Variants in CD163 observed in about 807,000 individuals in gnomAD.
The protein encoded by CD163 is scavenger receptor cysteine-rich type 1 protein M130.
In CD163, 64 loss-of-function variants were observed where a neutral mutation model predicts 129.2. The ratio of observed to expected loss-of-function variants is 0.50; its 90% CI spans 0.41 to 0.61. The LOEUF (loss-of-function observed/expected upper bound fraction) is 0.61, where lower values mean the gene tolerates loss of function less well. CD163 is among the 20% of genes least tolerant of loss of function. The pLI is 0.00. For missense variants in CD163, 1,061 were observed against 1,377.9 expected, an observed-to-expected ratio of 0.77 and a Z score of 3.64; for synonymous variants, 446 against 478.5, an observed-to-expected ratio of 0.93 and a Z score of 0.89.
chr12:7,487,455 A>G lies in CD163; in HGVS notation c.1954T>C (p.Cys652Arg). 6.2e-7 allele frequency: 1 copy of G among 1,614,186 alleles called. No homozygotes were observed. Among genetic ancestry groups the G allele is most frequent in the Non-Finnish European group, 8.5e-7 (1 of 1,180,016 alleles). ...CCCATGTGCTGCTCAGTCCCAGTGC[A>G]GTGAAACATATGCCTCCAGATCTGA... ...NGQIWRHMFH[C>R]TGTEQHMGDC... is the part of the protein sequence containing the mutation. Residue 652 changes from cysteine (C) to arginine (R), a missense_variant, in exon 8 of 17, where the codon TGC (cysteine) becomes CGC (arginine). Physicochemically the swap from Cys to Arg is radical, Grantham distance 180. Transcript: ENST00000432237. This position sits in a 1 kb window ranked among gnomAD's most constrained non-coding sequence, Gnocchi z 5.1.
At chr12:7,502,798 G>A (rs1949512702) in intron 1 of CD163, 1 of 568,148 alleles carries the variant, frequency 1.8e-6, no homozygotes. Context: ...TTAGCAGAAG[G>A]TTGGTGGTGG....
rs1481824279 is a variant in CD163 at position 7,470,938 on chromosome 12, C to T, written c.*491G>A. On this transcript the variant is annotated 3_prime_UTR_variant, in exon 17 of 17. Transcript: ENST00000432237. ...GTTAGCCATATATTATTTACAGACCCTTCAATATCATTAACTTTTCCTGTC... is the reference window on the plus strand; with the variant it reads ...GTTAGCCATATATTATTTACAGACCTTTCAATATCATTAACTTTTCCTGTC... 1.3e-5 allele frequency: 2 copies of T among 152,040 alleles called. No individual in the cohort carries two copies. The highest frequency in any genetic ancestry group is 2.9e-5 in the Non-Finnish European group (2 of 68,006). 9.4% of individuals were successfully genotyped at this position (152,040 alleles called of 1,614,324 possible). A position where few individuals can be genotyped will look rare whatever the true frequency, so the allele number is the denominator to read the frequency against.
chr12:7,483,825 G>GTGTATATATATATATATATATATATATA (rs1555076524), intron 11 of CD163, 150 bp from the exon 12 acceptor site: 1 of 68,416 alleles, frequency 1.5e-5, no homozygotes, highest in African/African-American at 4.4e-5. Context: ...ATATATATAT[G>GTGTATATATATATATATATATATATATA]TATATATATA....
chr12:7,473,272 A>G (rs947525882), intron 16 of CD163: 3 of 152,156 alleles, frequency 2.0e-5, no homozygotes, highest in Non-Finnish European at 4.4e-5. Context: ...ACACATAATC[A>G]TCCGTTTCTC....
At position 7,483,511 on chromosome 12, in the gene CD163, C is replaced by T. The variant is rs763374425; in HGVS notation, c.2944G>A (p.Ala982Thr). 1 of 1,614,086 alleles carries T rather than the reference C, an allele frequency of 6.2e-7. No homozygotes were observed. The highest frequency in any genetic ancestry group is 1.7e-5 in the Admixed American group (1 of 60,022). Residue 982 changes from alanine to threonine, a missense_variant, in exon 12 of 17, where the codon GCA becomes ACA. Ala to Thr is a moderately conservative substitution (Grantham distance 58, BLOSUM62 0). Coordinates refer to ENST00000432237, the MANE Select transcript of CD163 (RefSeq NM_203416.4). ...CGPALKAFKE[A>T]EFGQGTGPIW... ...GGTCCAGTCCCCTGACCAAACTCTG[C>T]TTCTTTGAATGCTTTCAAAGCTGGA...
chr12:7,493,331 A>G (rs888371778), intron 6 of CD163, among the ~76,000 whole-genome samples: 1 of 152,170 alleles, frequency 6.6e-6, no homozygotes, highest in African/African-American at 2.4e-5. Flanking sequence ...ACACCTTCTC[A>G]GAGGCCAGCA....
intron 16 of CD163, 98 bp downstream of exon 16, chr12:7,479,762 T>C: frequency 4.8e-6 from 6 of 1,252,054 alleles, no homozygotes; most frequent in Non-Finnish European, 6.7e-6. Context: ...ATAAAATATG[T>C]TTATATACAT....
At chr12:7,502,644 T>A in intron 1 of CD163, 80 bp from the exon 2 acceptor site, 1 of 771,220 alleles carries the variant, frequency 1.3e-6, no homozygotes, top group South Asian at 1.5e-5. Flanking sequence ...CAGAGGTTAA[T>A]TAACAAAGAA....
In CD163 at chr12:7,485,711, C is replaced by CAA. The variant is rs1949238270; in HGVS notation, c.2459-297_2459-296dup. ...CAGTTACATAGTTTGGATTTTTTCCCAAAAATATTCTCCTTTTTTTGCAAC... is the reference window on the plus strand; with the variant it reads ...CAGTTACATAGTTTGGATTTTTTCCCAAAAAAATATTCTCCTTTTTTTGCAAC... On this transcript the variant is annotated intron_variant, in intron 10 of 16. Coordinates refer to ENST00000432237, the MANE Select transcript of CD163 (RefSeq NM_203416.4). This position sits in a 1 kb window ranked among gnomAD's most constrained non-coding sequence, Gnocchi z 4.5. Among the ~76,000 whole-genome samples, 1 of 151,764 alleles carries CAA rather than the reference C, an allele frequency of 6.6e-6. No homozygotes were observed. The highest frequency in any genetic ancestry group is 1.5e-5 in the Non-Finnish European group (1 of 67,972).
chr12:7,481,251 A>C lies in CD163; in HGVS notation c.3253T>G (p.Ser1085Ala). The stretch of plus-strand genomic sequence containing the variant: ...TGGTGGACTAAGTTCTCTCCTCTTG[A>C]GGAAACTGAAAACAGAGATCCCTAG... ...RRQRQRLAVS[S>A]RGENLVHQIQ... is the part of the protein sequence containing the mutation. Residue 1085 changes from serine to alanine, a missense_variant, in exon 15 of 17, where the codon TCA (serine) becomes GCA (alanine). Ser to Ala is a moderately conservative substitution (Grantham distance 99). Transcript: ENST00000432237. 2.5e-6 allele frequency: 4 copies of C among 1,613,036 alleles called. No homozygotes were observed. Among genetic ancestry groups the C allele is most frequent in the Non-Finnish European group, 3.4e-6 (4 of 1,179,110 alleles).
At position 7,487,221 on chromosome 12, in the gene CD163, G is replaced by A; in HGVS notation, c.2050+138C>T. The A allele has an allele frequency of 9.4e-7, 1 of 1,067,842 alleles. No individual in the cohort carries two copies. The highest frequency in any genetic ancestry group is 1.3e-6 in the Non-Finnish European group (1 of 760,308). The allele number at this position is 1,067,842 out of a possible 1,614,324, so 66.1% of individuals were successfully genotyped here. ...CTCACCCTCTGAAAAGACAAATGAG[G>A]TTAATATTCTGAAGCATGAATTAGT... On this transcript the variant is annotated intron_variant, in intron 8 of 16. Coordinates refer to ENST00000432237, the MANE Select transcript of CD163 (RefSeq NM_203416.4). The surrounding 1 kb of genome is among the most constrained non-coding windows in gnomAD (Gnocchi z 5.1).
chr12:7,503,594 A>G, intron 1 of CD163, 51 bp downstream of exon 1: 1 of 1,206,288 alleles, frequency 8.3e-7, no homozygotes, highest in Non-Finnish European at 1.2e-6. Context: ...CTGTCATAAT[A>G]ATTACATACC....
Position 7,485,786 on chromosome 12 carries a change from T to C in CD163, c.2459-370A>G, listed in dbSNP as rs147960238. Among the ~76,000 whole-genome samples, 1,240 of 152,258 alleles carry C rather than the reference T, an allele frequency of 8.1e-3. 10 individuals are homozygous for C. The highest frequency in any genetic ancestry group is 0.014 in the Non-Finnish European group (963 of 68,010). On this transcript the variant is annotated intron_variant, in intron 10 of 16. Transcript: ENST00000432237. This position sits in a 1 kb window ranked among gnomAD's most constrained non-coding sequence, Gnocchi z 4.5. ...GACACTCAGGCACTAAAATCAATGT[T>C]TTGTGTACATCTCTTAAAATGACAG...
At chr12:7,484,199 G>A (rs1949215302) in intron 11 of CD163, among the ~76,000 whole-genome samples, 1 of 151,900 alleles carries the variant, frequency 6.6e-6, no homozygotes, top group African/African-American at 2.4e-5. Flanking sequence ...AGCCAACTAG[G>A]TATATTCCAT....
Position 7,482,770 on chromosome 12 carries a change from A to G in CD163, c.3128-8T>C. On this transcript the variant is annotated splice_polypyrimidine_tract_variant and splice_region_variant and intron_variant, in intron 13 of 16. Transcript: ENST00000432237. ...ACTGACGGGATGAGCGACCTAAGTA[A>G]AAGTAAATATCAAGAGATATGATCA... The G allele has an allele frequency of 6.2e-7, 1 of 1,613,832 alleles. No homozygotes were observed. Among genetic ancestry groups the G allele is most frequent in the Non-Finnish European group, 8.5e-7 (1 of 1,179,890 alleles).
chr12:7,488,247 G>A (rs1280874262), intron 6 of CD163, among the ~76,000 whole-genome samples, 160 bp from the exon 7 acceptor site: 1 of 152,096 alleles, frequency 6.6e-6, no homozygotes, highest in Non-Finnish European at 1.5e-5. Flanking sequence ...AGTTGGGTAT[G>A]GATAAATCTA....
intron 16 of CD163, among the ~76,000 whole-genome samples, chr12:7,478,562 A>G (rs939076335): frequency 6.6e-5 from 10 of 152,268 alleles, no homozygotes; most frequent in Admixed American, 2.0e-4. Context: ...TTACATTCAC[A>G]TATATTAACC....
At chr12:7,490,366 A>C (rs1038953256) in intron 6 of CD163, among the ~76,000 whole-genome samples, 2 of 152,032 alleles carry the variant, frequency 1.3e-5, no homozygotes, top group Non-Finnish European at 2.9e-5. Flanking sequence ...TAATAAATGG[A>C]ATTTATATTA....
At chr12:7,471,667 C>T (rs746957304) in intron 16 of CD163, among the ~76,000 whole-genome samples, 4 of 151,564 alleles carry the variant, frequency 2.6e-5, no homozygotes, top group East Asian at 3.9e-4. Flanking sequence ...GTGAGACCAA[C>T]GCAGAAGTCT....
Sources: allele counts gnomAD v4.1 joint callset (sites outside exome capture counted in the v4.1 genomes callset), GRCh38; gene constraint gnomAD v4.1.1; non-coding constraint Gnocchi (gnomAD v3.1); transcripts MANE v1.5; gene names NCBI Gene and HGNC (gene_info 2026-07-23, HGNC 2026-07-21).